Variants in PDXK observed in about 807,000 individuals in gnomAD.
PDXK encodes pyridoxal kinase.
Under a neutral mutation model 43.2 loss-of-function variants are expected in PDXK, and 15 were observed. That is an observed-to-expected ratio of 0.35 (90% CI 0.23 to 0.53). PDXK has a LOEUF of 0.53. Among genes scored for constraint, PDXK ranks in the 20% least tolerant of loss-of-function variants. The pLI is 0.92. For missense variants in PDXK, 343 were observed against 417.0 expected, an observed-to-expected ratio of 0.82 and a Z score of 1.54; for synonymous variants, 172 against 165.4, an observed-to-expected ratio of 1.04 and a Z score of -0.31.
At chr21:43,740,200 T>C (rs1428641901) in intron 2 of PDXK, among the ~76,000 whole-genome samples, 1 of 151,986 alleles carries the variant, frequency 6.6e-6, no homozygotes, top group Non-Finnish European at 1.5e-5. Flanking sequence ...GCGCCACACG[T>C]CCTCCCGTGC....
intron 2 of PDXK, among the ~76,000 whole-genome samples, chr21:43,739,692 A>G (rs1183514691): frequency 6.6e-6 from 1 of 151,782 alleles, no homozygotes; most frequent in Admixed American, 6.6e-5. Flanking sequence ...ACCTCCTGCC[A>G]GGTCCCTCCC....
chr21:43,741,707 G>A lies in PDXK; in HGVS notation c.183G>A (p.Glu61=), dbSNP rs753546325. 1.2e-6 allele frequency: 2 copies of A among 1,613,114 alleles called. No individual in the cohort carries two copies. Among genetic ancestry groups the A allele is most frequent in the African/African-American group, 2.7e-5 (2 of 74,860 alleles). Residue 61 remains glutamate (E), a synonymous_variant, in exon 3 of 11, where the codon GAG becomes GAA. Coordinates refer to ENST00000291565, the MANE Select transcript of PDXK (RefSeq NM_003681.5). The part of the protein sequence containing the change: ...HWKGQVLNSD[E]LQELYEGLRL... Reference sequence around the variant, plus strand: ...AGGGCCAAGTGCTGAATTCAGATGAGCTCCAGGAGTTGTACGAAGGCCTGA... The same window carrying A: ...AGGGCCAAGTGCTGAATTCAGATGAACTCCAGGAGTTGTACGAAGGCCTGA...
chr21:43,746,884 G>A (rs1186023101), intron 5 of PDXK, among the ~76,000 whole-genome samples: 1 of 152,140 alleles, frequency 6.6e-6, no homozygotes, highest in Non-Finnish European at 1.5e-5. Context: ...TGTAATCCCA[G>A]CACTTTCGGG....
intron 1 of PDXK, among the ~76,000 whole-genome samples, chr21:43,720,861 G>A (rs2083201131): frequency 6.6e-6 from 1 of 152,150 alleles, no homozygotes. Flanking sequence ...TGTCTGTCCC[G>A]TCCCTCCTCC....
chr21:43,725,184 G>A (rs1437948829), intron 1 of PDXK, among the ~76,000 whole-genome samples: 1 of 152,104 alleles, frequency 6.6e-6, no homozygotes, highest in Non-Finnish European at 1.5e-5. Context: ...TTAGCCAGGC[G>A]TGGTGGTGGG....
At chr21:43,731,362 G>A (rs2083315407) in intron 1 of PDXK, among the ~76,000 whole-genome samples, 1 of 152,218 alleles carries the variant, frequency 6.6e-6, no homozygotes, top group Admixed American at 6.5e-5. Flanking sequence ...CCTCATGGGA[G>A]AGAGATCTCA....
chr21:43,755,862 T>G (rs1438627692), intron 10 of PDXK, 89 bp from the exon 11 acceptor site: 1 of 1,428,176 alleles, frequency 7.0e-7, no homozygotes, highest in Non-Finnish European at 9.9e-7. Context: ...GTGTGATCGG[T>G]GTCTCCTGCT....
Position 43,719,194 on chromosome 21 carries a change from G to A in PDXK, c.-101G>A, listed in dbSNP as rs1054553781. The A allele has an allele frequency of 1.9e-6, 1 of 520,106 alleles. No homozygotes were observed. The highest frequency in any genetic ancestry group is 2.9e-6 in the Non-Finnish European group (1 of 349,870). 32.2% of individuals were successfully genotyped at this position (520,106 alleles called of 1,614,324 possible). On this transcript the variant is annotated 5_prime_UTR_variant, in exon 1 of 11. Transcript: ENST00000291565. ...CCAGAGCCAGAGTCGCAGCCGAGGG[G>A]AGCCGGGGCCGGAGCCCGAGCCCGA... is the stretch of plus-strand genomic sequence containing the variant.
chr21:43,753,977 A>T (rs1473090554), intron 9 of PDXK, among the ~76,000 whole-genome samples: 1 of 152,206 alleles, frequency 6.6e-6, no homozygotes, highest in African/African-American at 2.4e-5. Flanking sequence ...GATGTTTCAG[A>T]ACAGACCCAT....
At position 43,753,728 on chromosome 21, in the gene PDXK, C is replaced by A; in HGVS notation, c.759+9C>A. ...ACCCCAATAACCTCAAGGTCAGCCA[C>A]ACGCACCGCTCCCCTCCTCGCCCAC... On this transcript the variant is annotated intron_variant, in intron 9 of 10. Transcript: ENST00000291565. 6.2e-7 allele frequency: 1 copy of A among 1,607,450 alleles called. No individual in the cohort carries two copies. Among genetic ancestry groups the A allele is most frequent in the Non-Finnish European group, 8.5e-7 (1 of 1,175,876 alleles).
At position 43,738,048 on chromosome 21, in the gene PDXK, C is replaced by T. The variant is rs180872475; in HGVS notation, c.143-3619C>T. 171 of 985,396 alleles carry T rather than the reference C, an allele frequency of 1.7e-4. No individual in the cohort carries two copies. In the African/African-American group the frequency reaches 2.8e-3, roughly 16 times the overall value. The allele number at this position is 985,396 out of a possible 1,614,324, so 61.0% of individuals were successfully genotyped here. A position where few individuals can be genotyped will look rare whatever the true frequency, so the allele number is the denominator to read the frequency against. ...GACCCGGCCAAGTGCTGGACGTCTC[C>T]CCTTCCTCATGGCTGTTATGGCTGA... On this transcript the variant is annotated intron_variant, in intron 2 of 10. Coordinates refer to ENST00000291565, the MANE Select transcript of PDXK (RefSeq NM_003681.5).
chr21:43,733,798 G>A (rs1568976850), intron 1 of PDXK: 1 of 768,112 alleles, frequency 1.3e-6, no homozygotes, highest in Non-Finnish European at 2.0e-6. Flanking sequence ...TCCCCATGGA[G>A]GTCCTGTGGG....
In PDXK at chr21:43,719,322, A is replaced by G; in HGVS notation, c.28A>G (p.Ile10Val). The G allele has an allele frequency of 6.6e-7, 1 of 1,517,806 alleles. No homozygotes were observed. Among genetic ancestry groups the G allele is most frequent in the Middle Eastern group, 2.2e-4 (1 of 4,512 alleles). The allele number at this position is 1,517,806 out of a possible 1,614,324, so 94.0% of individuals were successfully genotyped here. The change falls in exon 1 of 11, where the codon ATA becomes GTA. Residue 10 changes from isoleucine to valine, a missense_variant. By Grantham distance (29) the Ile-to-Val change is conservative (BLOSUM62 3). Transcript: ENST00000291565. ...GGAGGAGGAGTGCCGGGTGCTCTCC[A>G]TACAGAGCCACGTCATCCGCGGCTA... MEEECRVLS[I>V]QSHVIRGYVG...
In PDXK at chr21:43,754,364, G is replaced by A. The variant is rs997155972; in HGVS notation, c.759+645G>A. Reference sequence around the variant, plus strand: ...ATGTGGGGTCTCGTGAGCCTTTCTCGTGTGTCCCATGGGTAAGCACACAGC... The same window carrying A: ...ATGTGGGGTCTCGTGAGCCTTTCTCATGTGTCCCATGGGTAAGCACACAGC... On this transcript the variant is annotated intron_variant, in intron 9 of 10. Coordinates refer to ENST00000291565, the MANE Select transcript of PDXK (RefSeq NM_003681.5). The surrounding 1 kb of genome is among the most constrained non-coding windows in gnomAD (Gnocchi z 5.5). Among the ~76,000 whole-genome samples, 4 of 152,186 alleles carry A rather than the reference G, an allele frequency of 2.6e-5. No individual in the cohort carries two copies. The highest frequency in any genetic ancestry group is 6.5e-5 in the Admixed American group (1 of 15,290).
Position 43,737,305 on chromosome 21 carries a change from G to A in PDXK, c.142+3182G>A. On this transcript the variant is annotated intron_variant, in intron 2 of 10. Coordinates refer to ENST00000291565, the MANE Select transcript of PDXK (RefSeq NM_003681.5). This position sits in a 1 kb window ranked among gnomAD's most constrained non-coding sequence, Gnocchi z 4.8. ...CAGGCCTCGCCGCCTCGAGGCTGCT[G>A]CTCGCACTTCTGCCCCTTCCCCCGG... is the stretch of plus-strand genomic sequence containing the variant. 1.4e-6 allele frequency: 2 copies of A among 1,389,534 alleles called. No homozygotes were observed. Among genetic ancestry groups the A allele is most frequent in the Non-Finnish European group, 1.9e-6 (2 of 1,072,850 alleles). 86.1% of individuals were successfully genotyped at this position (1,389,534 alleles called of 1,614,324 possible). A position where few individuals can be genotyped will look rare whatever the true frequency, so the allele number is the denominator to read the frequency against.
chr21:43,738,590 T>G (rs1259325266), intron 2 of PDXK: 1 of 152,364 alleles, frequency 6.6e-6, no homozygotes, highest in African/African-American at 2.4e-5. Context: ...CGAGACCTGC[T>G]GTCTTATCTG....
At chr21:43,729,399 G>A (rs2083289783) in intron 1 of PDXK, among the ~76,000 whole-genome samples, 1 of 152,208 alleles carries the variant, frequency 6.6e-6, no homozygotes, top group African/African-American at 2.4e-5. Context: ...CTGAGAGAGG[G>A]GAGTTGGCCA....
At chr21:43,727,689 G>T (rs895545667) in intron 1 of PDXK, among the ~76,000 whole-genome samples, 13 of 152,352 alleles carry the variant, frequency 8.5e-5, no homozygotes, top group Non-Finnish European at 1.8e-4. Context: ...GTTCCAAGGG[G>T]TGGGAGGGAG....
At chr21:43,738,736 AT>A (rs2083444890) in intron 2 of PDXK, 1 of 152,412 alleles carries the variant, frequency 6.6e-6, no homozygotes, top group South Asian at 2.1e-4. Context: ...CACAAAGGAG[AT>A]TCATTGAAAC....
Sources: gnomAD v4.1 joint callset for allele counts (sites outside exome capture counted in the v4.1 genomes callset) on GRCh38, gnomAD v4.1.1 for gene constraint, Gnocchi (gnomAD v3.1) non-coding constraint, MANE v1.5 for transcripts, NCBI Gene and HGNC (gene_info 2026-07-23, HGNC 2026-07-21) for gene names.